Variants in TMEM40 observed in about 807,000 individuals in gnomAD.
TMEM40 encodes transmembrane protein 40.
Under a neutral mutation model 40.8 loss-of-function variants are expected in TMEM40, and 34 were observed. The ratio of observed to expected loss-of-function variants is 0.83; its 90% CI spans 0.63 to 1.11. The LOEUF is 1.11. Ranked by LOEUF, TMEM40 falls within the 50% of genes least tolerant of loss-of-function variation. The pLI is 0.00. For missense variants in TMEM40, 296 were observed against 280.2 expected (o/e 1.06, Z -0.40); for synonymous variants, 106 against 107.0 (o/e 0.99, Z 0.06).
chr3:12,753,855 C>T (rs1447397695), intron 1 of TMEM40, among the ~76,000 whole-genome samples: 1 of 152,230 alleles, frequency 6.6e-6, no homozygotes, highest in Admixed American at 6.5e-5. Context: ...CCCAGATTTC[C>T]TGAGCTTCTG....
intron 1 of TMEM40, among the ~76,000 whole-genome samples, chr3:12,755,729 T>C (rs1489744750): frequency 6.6e-6 from 1 of 152,226 alleles, no homozygotes; most frequent in Non-Finnish European, 1.5e-5. Context: ...TCATGTCTAT[T>C]AAGTGGGGCT....
intron 3 of TMEM40, among the ~76,000 whole-genome samples, chr3:12,745,606 G>A (rs1032955131): frequency 3.9e-5 from 6 of 151,916 alleles, no homozygotes; most frequent in Admixed American, 2.0e-4. Flanking sequence ...GTGCCACCAT[G>A]CCCAGCTAAT....
chr3:12,750,175 A>G (rs2061463609), intron 1 of TMEM40, among the ~76,000 whole-genome samples: 1 of 148,200 alleles, frequency 6.7e-6, no homozygotes, highest in African/African-American at 2.5e-5. Context: ...GGGTGTCTCT[A>G]TGTTGCCCAG....
intron 1 of TMEM40, among the ~76,000 whole-genome samples, chr3:12,766,487 C>T (rs558961332): frequency 5.3e-5 from 8 of 150,546 alleles, no homozygotes; most frequent in South Asian, 4.2e-4. Context: ...CCCAGCTACT[C>T]GGGGGGCTGA....
At chr3:12,751,278 CG>C (rs571662678) in intron 1 of TMEM40, among the ~76,000 whole-genome samples, 4,884 of 124,300 alleles carry the variant, frequency 0.039, 298 homozygotes, top group African/African-American at 0.18. Context: ...CTCCATTACC[CG>C]TTTTTTTTTT....
intron 4 of TMEM40, among the ~76,000 whole-genome samples, chr3:12,743,370 A>C (rs2061397975): frequency 6.6e-6 from 1 of 152,104 alleles, no homozygotes; most frequent in African/African-American, 2.4e-5. Context: ...GGGAGGCTGA[A>C]GCGGGAGAAT....
chr3:12,755,205 T>TTCTTTCTC (rs2061512133), intron 1 of TMEM40, among the ~76,000 whole-genome samples: 20 of 83,244 alleles, frequency 2.4e-4, no homozygotes, highest in Admixed American at 3.3e-4. Flanking sequence ...CTTCCTTTCT[T>TTCTTTCTC]TCTTTCTTTC....
At chr3:12,751,566 C>G (rs570511858) in intron 1 of TMEM40, among the ~76,000 whole-genome samples, 97 of 152,262 alleles carry the variant, frequency 6.4e-4, no homozygotes, top group African/African-American at 2.0e-3. Context: ...GCGTGAGCCA[C>G]TGCGCCTGGC....
In TMEM40 at chr3:12,736,581, G is replaced by A. The variant is rs756746842; in HGVS notation, c.616C>T (p.Leu206=). Residue 206 remains leucine (L), a synonymous_variant, in exon 10 of 12, where the codon CTA becomes TTA. Transcript: ENST00000314124. ...SLETVGIYFG[L]VYRIHSVLQG... Reference sequence around the variant, plus strand: ...CCATGCTGGGGGAGGGGCTTACCTAGTCCGAAGTAGATGCCAACGGTTTCC... The same window carrying A: ...CCATGCTGGGGGAGGGGCTTACCTAATCCGAAGTAGATGCCAACGGTTTCC... The A allele has an allele frequency of 6.4e-6, 10 of 1,554,372 alleles. No homozygotes were observed. In the East Asian group the frequency reaches 1.2e-4, roughly 19 times the overall value.
At chr3:12,769,009 C>T (rs1476708780) in intron 1 of TMEM40, among the ~76,000 whole-genome samples, 3 of 151,682 alleles carry the variant, frequency 2.0e-5, no homozygotes, top group African/African-American at 7.2e-5. Context: ...CTGATCCCTG[C>T]CTCTCAGGGA....
At chr3:12,736,382 T>C (rs2061337242) in intron 10 of TMEM40, among the ~76,000 whole-genome samples, 196 bp downstream of exon 10, 1 of 151,940 alleles carries the variant, frequency 6.6e-6, no homozygotes, top group African/African-American at 2.4e-5. Flanking sequence ...ACTCCTAACC[T>C]CAGGTGATCC....
chr3:12,734,921 C>CATTGAGACCCA, intron 11 of TMEM40, 128 bp from the exon 12 acceptor site: 2 of 985,726 alleles, frequency 2.0e-6, no homozygotes, highest in Non-Finnish European at 3.1e-6. Context: ...AGCCATGGGT[C>CATTGAGACCCA]TCAATGAACC....
intron 3 of TMEM40, among the ~76,000 whole-genome samples, chr3:12,746,378 C>T (rs1302461005): frequency 6.6e-6 from 1 of 152,140 alleles, no homozygotes; most frequent in Non-Finnish European, 1.5e-5. Context: ...GGTAATGGGG[C>T]AAAGGATGAT....
chr3:12,749,521 C>G (rs2106615845), intron 2 of TMEM40, among the ~76,000 whole-genome samples: 1 of 152,324 alleles, frequency 6.6e-6, no homozygotes, highest in East Asian at 1.9e-4. Context: ...CCCAAGCCCC[C>G]AGAGAATTCT....
intron 1 of TMEM40, among the ~76,000 whole-genome samples, chr3:12,753,157 T>C (rs924590391): frequency 5.3e-5 from 8 of 151,936 alleles, no homozygotes; most frequent in Non-Finnish European, 1.0e-4. Context: ...TGTCCTTGTC[T>C]ATTCCTCCTC....
chr3:12,763,709 A>G (rs1448273413), upstream of TMEM40, among the ~76,000 whole-genome samples: 1 of 152,126 alleles, frequency 6.6e-6, no homozygotes, highest in Non-Finnish European at 1.5e-5. Flanking sequence ...ATATTTATAT[A>G]AAGTGGTCAA....
chr3:12,734,912 G>A, intron 11 of TMEM40, 119 bp from the exon 12 acceptor site: 1 of 1,173,324 alleles, frequency 8.5e-7, no homozygotes, highest in African/African-American at 1.5e-5. Flanking sequence ...CACCCCAGAA[G>A]CCATGGGTCT....
chr3:12,760,930 C>A (rs1236221097), upstream of TMEM40, among the ~76,000 whole-genome samples: 7 of 152,264 alleles, frequency 4.6e-5, no homozygotes, highest in South Asian at 1.5e-3. Flanking sequence ...TTTGTAGAGA[C>A]AAGATCTTGC....
intron 1 of TMEM40, among the ~76,000 whole-genome samples, chr3:12,755,170 T>TTC (rs1175496952): frequency 6.7e-6 from 1 of 148,204 alleles, no homozygotes; most frequent in Admixed American, 6.7e-5. Flanking sequence ...CTTTCTTTCT[T>TTC]TCTCTCTCTC....
Sources: gnomAD v4.1 joint callset for allele counts (sites outside exome capture counted in the v4.1 genomes callset) on GRCh38, gnomAD v4.1.1 for gene constraint, MANE v1.5 for transcripts, NCBI Gene and HGNC (gene_info 2026-07-23, HGNC 2026-07-21) for gene names.